CEP85L: variants seen among roughly 807,000 people sequenced by gnomAD.
CEP85L encodes centrosomal protein of 85 kDa-like.
CEP85L carries 60 observed loss-of-function variants against 100.3 expected under a neutral mutation model. The ratio of observed to expected loss-of-function variants is 0.60; its 90% CI spans 0.49 to 0.74. CEP85L has a LOEUF of 0.74. CEP85L is among the 30% of genes least tolerant of loss of function. The pLI, the probability that CEP85L is intolerant of heterozygous loss-of-function variation, is 0.00. For synonymous variants in CEP85L, 319 were observed against 322.7 expected, an observed-to-expected ratio of 0.99 and a Z score of 0.12; for missense variants, 973 against 936.2, an observed-to-expected ratio of 1.04 and a Z score of -0.51.
chr6:118,517,030 CA>C (rs1776324046), intron 4 of CEP85L, among the ~76,000 whole-genome samples: 3 of 44,914 alleles, frequency 6.7e-5, no homozygotes, highest in Admixed American at 3.0e-4. Context: ...TTGTTTTCAT[CA>C]GGTTTGTCAA....
intron 2 of CEP85L, among the ~76,000 whole-genome samples, chr6:118,571,887 G>A (rs1310197971): frequency 6.6e-6 from 1 of 151,990 alleles, no homozygotes; most frequent in Admixed American, 6.6e-5. Flanking sequence ...AGACAGTTTT[G>A]CTCTTGTTGC....
At chr6:118,513,015 C>T (rs923892153) in intron 4 of CEP85L, among the ~76,000 whole-genome samples, 2 of 151,914 alleles carry the variant, frequency 1.3e-5, no homozygotes, top group South Asian at 2.1e-4. Context: ...GAAGAATGAA[C>T]GAACATGTTA....
upstream of CEP85L, chr6:118,651,915 G>A: frequency 2.0e-6 from 2 of 985,556 alleles, no homozygotes; most frequent in Non-Finnish European, 2.4e-6. Flanking sequence ...GTGAAGACAC[G>A]TGGAAGACCT....
At chr6:118,685,192 G>A (rs1776792214) in intron 1 of CEP85L, among the ~76,000 whole-genome samples, 1 of 152,034 alleles carries the variant, frequency 6.6e-6, no homozygotes, top group Non-Finnish European at 1.5e-5. Flanking sequence ...AGAATATAAA[G>A]AATATAAATA....
chr6:118,470,486 A>AT (rs1562170525), intron 11 of CEP85L, 51 bp downstream of exon 11: 1 of 1,062,158 alleles, frequency 9.4e-7, no homozygotes, highest in African/African-American at 1.6e-5. Flanking sequence ...TAAAATAAGC[A>AT]TTTTATAGTG....
intron 2 of CEP85L, among the ~76,000 whole-genome samples, chr6:118,616,236 C>T (rs1008853042): frequency 5.3e-5 from 8 of 152,074 alleles, no homozygotes; most frequent in Non-Finnish European, 1.2e-4. Flanking sequence ...AAAACTTGTG[C>T]TCTATGAGGC....
chr6:118,494,635 AG>A lies in CEP85L; in HGVS notation c.1258-2771del, dbSNP rs572912556. ...TAGAAAACTGAAGTTCACAATCCAG[AG>A]GAACAAATTCACCAAAAGACTGAGA... On this transcript the variant is annotated intron_variant, in intron 5 of 12. Transcript: ENST00000368491. 4.6e-3 allele frequency among the ~76,000 whole-genome samples: 694 copies of A among 152,308 alleles called. 6 individuals carry two copies. Among genetic ancestry groups the A allele is most frequent in the Non-Finnish European group, 5.4e-3 (370 of 68,024 alleles).
rs66813095 is a variant in CEP85L at position 118,498,595 on chromosome 6, T to TA, written c.1258-6731dup. The stretch of plus-strand genomic sequence containing the variant: ...GGAAACATAGTGAGACCCAATCTGT[T>TA]AAAAAAAAAAAAAAAAATAGAGAGA... On this transcript the variant is annotated intron_variant, in intron 5 of 12. Coordinates refer to ENST00000368491, the MANE Select transcript of CEP85L (RefSeq NM_001042475.3). Among the ~76,000 whole-genome samples the TA allele has an allele frequency of 3.4e-3, 351 of 102,848 alleles. 3 individuals carry two copies. The highest frequency in any genetic ancestry group is 9.1e-3 in the South Asian group (29 of 3,190). 67.5% of individuals were successfully genotyped at this position (102,848 alleles called of 152,430 possible).
intron 2 of CEP85L, among the ~76,000 whole-genome samples, chr6:118,591,945 T>A (rs905054955): frequency 6.6e-6 from 1 of 152,338 alleles, no homozygotes; most frequent in African/African-American, 2.4e-5. Context: ...ACAAAGTTAC[T>A]TGATTTACAA....
At chr6:118,661,838 G>T (rs1775983702) in intron 1 of CEP85L, among the ~76,000 whole-genome samples, 1 of 152,194 alleles carries the variant, frequency 6.6e-6, no homozygotes, top group African/African-American at 2.4e-5. Context: ...TAATGACTGT[G>T]TTAAAGAATA....
chr6:118,588,927 AAC>A (rs937250626), intron 2 of CEP85L: 1 of 161,608 alleles, frequency 6.2e-6, no homozygotes, highest in Non-Finnish European at 1.5e-5. Flanking sequence ...AAAACCCCCT[AAC>A]AGCAGTTAGG....
chr6:118,494,699 C>A (rs565875854), intron 5 of CEP85L, among the ~76,000 whole-genome samples: 1 of 152,284 alleles, frequency 6.6e-6, no homozygotes, highest in South Asian at 2.1e-4. Context: ...CCCTTCCCTG[C>A]ACACTTTACC....
intron 3 of CEP85L, among the ~76,000 whole-genome samples, chr6:118,547,727 A>C (rs137915982): frequency 6.6e-6 from 1 of 152,256 alleles, no homozygotes; most frequent in African/African-American, 2.4e-5. Flanking sequence ...TTTAACTGTA[A>C]GATAAAAATA....
chr6:118,504,835 T>C (rs937946534), intron 5 of CEP85L, among the ~76,000 whole-genome samples: 1 of 152,200 alleles, frequency 6.6e-6, no homozygotes, highest in Non-Finnish European at 1.5e-5. Context: ...GACACCCAGA[T>C]GGTGTCTGCT....
intron 5 of CEP85L, among the ~76,000 whole-genome samples, chr6:118,506,412 T>G (rs915044221): frequency 6.6e-6 from 1 of 152,134 alleles, no homozygotes; most frequent in Admixed American, 6.5e-5. Context: ...TAACCTGGCG[T>G]GAACTGAAAG....
At position 118,462,322 on chromosome 6, in the gene CEP85L, T is replaced by C. The variant is rs1772274174; in HGVS notation, c.*3083A>G. 6.6e-6 allele frequency: 1 copy of C among 152,030 alleles called. No homozygotes were observed. Among genetic ancestry groups the C allele is most frequent in the Non-Finnish European group, 1.5e-5 (1 of 67,890 alleles). 9.4% of individuals were successfully genotyped at this position (152,030 alleles called of 1,614,324 possible). On this transcript the variant is annotated 3_prime_UTR_variant, in exon 13 of 13. Coordinates refer to ENST00000368491, the MANE Select transcript of CEP85L (RefSeq NM_001042475.3). ...TTGTGGTTTTTTGTTTTTGTTTAAT[T>C]AGAGGCCACTGAAAATTAATAGTTC...
intron 2 of CEP85L, among the ~76,000 whole-genome samples, chr6:118,628,931 C>T (rs1435200430): frequency 6.6e-6 from 1 of 152,080 alleles, no homozygotes; most frequent in Non-Finnish European, 1.5e-5. Flanking sequence ...AAAGACAATG[C>T]CAAGAGAATA....
chr6:118,500,606 G>A (rs997720342), intron 5 of CEP85L, among the ~76,000 whole-genome samples: 2 of 147,344 alleles, frequency 1.4e-5, no homozygotes, highest in African/African-American at 5.0e-5. Context: ...TCCACTAGAG[G>A]CAAGGTGCCC....
Position 118,612,427 on chromosome 6 carries a change from G to A in CEP85L, c.232+20026C>T, listed in dbSNP as rs540850664. 4.6e-5 allele frequency among the ~76,000 whole-genome samples: 7 copies of A among 151,838 alleles called. No homozygotes were observed. In the South Asian group the frequency reaches 1.5e-3, roughly 32 times the overall value. ...AATCCCGGCACTTTGTGAGGCCGAG[G>A]CGGGTGGATCATGAGGTCAGGAGAT... On this transcript the variant is annotated intron_variant, in intron 2 of 12. Coordinates refer to ENST00000368491, the MANE Select transcript of CEP85L (RefSeq NM_001042475.3).
Sources: allele counts gnomAD v4.1 joint callset (sites outside exome capture counted in the v4.1 genomes callset), GRCh38; gene constraint gnomAD v4.1.1; transcripts MANE v1.5; gene names NCBI Gene and HGNC (gene_info 2026-07-23, HGNC 2026-07-21).